The following WDPCP variants were observed in gnomAD, a reference collection of about 807,000 sequenced individuals.
The protein encoded by WDPCP is WD repeat containing planar cell polarity effector.
A neutral mutation model predicts 93.1 loss-of-function variants in WDPCP; 71 were observed. The observed-to-expected ratio is 0.76, with a 90% CI of 0.63 to 0.93. WDPCP has a LOEUF of 0.93. WDPCP is among the 40% of genes least tolerant of loss of function. The pLI is 0.00. For synonymous variants in WDPCP, 315 were observed against 315.0 expected (o/e 1.00, Z 0.00); for missense variants, 844 against 887.4 (o/e 0.95, Z 0.62).
intron 2 of WDPCP, among the ~76,000 whole-genome samples, chr2:63,692,800 C>G (rs2103675373): frequency 6.6e-6 from 1 of 152,224 alleles, no homozygotes; most frequent in South Asian, 2.1e-4. Flanking sequence ...CCTTGACATT[C>G]TTATGTATTA....
chr2:63,804,550 C>T (rs1249486680), intron 2 of WDPCP, among the ~76,000 whole-genome samples: 4 of 151,550 alleles, frequency 2.6e-5, no homozygotes, highest in East Asian at 2.0e-4. Flanking sequence ...TCACCTCGCC[C>T]GACCCAAGCC....
chr2:63,613,073 T>A (rs1271371328), intron 3 of WDPCP, among the ~76,000 whole-genome samples: 1 of 152,166 alleles, frequency 6.6e-6, no homozygotes, highest in East Asian at 1.9e-4. Flanking sequence ...ACTTGGACAG[T>A]TAGTCACGTG....
intron 2 of WDPCP, among the ~76,000 whole-genome samples, chr2:63,659,822 G>A (rs1325393402): frequency 6.6e-6 from 1 of 152,128 alleles, no homozygotes; most frequent in Non-Finnish European, 1.5e-5. Flanking sequence ...CTTAGCCCCT[G>A]GTCTGTGGCA....
intron 2 of WDPCP, among the ~76,000 whole-genome samples, chr2:63,733,344 T>C (rs7566718): frequency 0.18 from 27,629 of 149,418 alleles, 3,070 homozygotes; most frequent in Middle Eastern, 0.27. Context: ...GGACTACAGG[T>C]GCCCGCCACC....
At chr2:63,529,779 C>A (rs1703672135) in intron 1 of WDPCP, among the ~76,000 whole-genome samples, 1 of 152,156 alleles carries the variant, frequency 6.6e-6, no homozygotes, top group Non-Finnish European at 1.5e-5. Flanking sequence ...ATGGTACCAG[C>A]TCCTCCTTGT....
intron 14 of WDPCP, among the ~76,000 whole-genome samples, chr2:63,187,884 T>C (rs1674756978): frequency 6.6e-6 from 1 of 152,258 alleles, no homozygotes; most frequent in South Asian, 2.1e-4. Context: ...GTATTTATTG[T>C]CTAGTAACAT....
At chr2:63,730,473 G>GT (rs988943755) in intron 2 of WDPCP, among the ~76,000 whole-genome samples, 7 of 151,848 alleles carry the variant, frequency 4.6e-5, no homozygotes, top group African/African-American at 7.2e-5. Context: ...TTCTTCTTTT[G>GT]TTTTTTTTGA....
At chr2:63,244,713 A>G (rs1680133160) in intron 14 of WDPCP, among the ~76,000 whole-genome samples, 1 of 152,170 alleles carries the variant, frequency 6.6e-6, no homozygotes, top group South Asian at 2.1e-4. Context: ...CCGAAATCAA[A>G]TAAGTAATTT....
chr2:63,763,815 C>A (rs1278779862), intron 2 of WDPCP, among the ~76,000 whole-genome samples: 1 of 152,020 alleles, frequency 6.6e-6, no homozygotes, highest in African/African-American at 2.4e-5. Context: ...AAAATAGAAT[C>A]TTTAAGTGGT....
chr2:63,215,626 G>T (rs944043523), intron 14 of WDPCP, among the ~76,000 whole-genome samples: 5 of 152,056 alleles, frequency 3.3e-5, no homozygotes, highest in African/African-American at 9.7e-5. Context: ...AACCTAGGCA[G>T]TACCATTCAG....
At chr2:63,646,853 T>A (rs1033557576) in intron 3 of WDPCP, among the ~76,000 whole-genome samples, 1 of 152,164 alleles carries the variant, frequency 6.6e-6, no homozygotes, top group African/African-American at 2.4e-5. Flanking sequence ...TCTTGATCTT[T>A]GGGAGTTTGA....
At chr2:63,589,733 T>C (rs1303581453), upstream of WDPCP, among the ~76,000 whole-genome samples, 2 of 152,302 alleles carry the variant, frequency 1.3e-5, no homozygotes, top group South Asian at 4.1e-4. Context: ...CATTTTGTCA[T>C]GGAAGACCTG....
At chr2:63,700,005 G>T (rs749012621) in intron 2 of WDPCP, among the ~76,000 whole-genome samples, 37 of 152,072 alleles carry the variant, frequency 2.4e-4, no homozygotes, top group Non-Finnish European at 4.9e-4. Context: ...TATGCTTTGG[G>T]CTGGGCCTGG....
intron 9 of WDPCP, among the ~76,000 whole-genome samples, chr2:63,413,713 G>T (rs1322077813): frequency 6.6e-6 from 1 of 152,172 alleles, no homozygotes; most frequent in Non-Finnish European, 1.5e-5. Context: ...CAGGAGAATG[G>T]TGTGAACCTG....
intron 2 of WDPCP, among the ~76,000 whole-genome samples, chr2:63,731,140 G>A (rs1175170784): frequency 6.6e-6 from 1 of 151,922 alleles, no homozygotes; most frequent in Non-Finnish European, 1.5e-5. Flanking sequence ...GTGGTGTCAC[G>A]TGCCTGTAGT....
In WDPCP at chr2:63,707,569, C is replaced by T. The variant is rs985006286; in HGVS notation, n.309-56731G>A. Among the ~76,000 whole-genome samples the T allele has an allele frequency of 3.2e-4, 49 of 152,274 alleles. 1 individual carries two copies. Among genetic ancestry groups the T allele is most frequent in the African/African-American group, 9.9e-4 (41 of 41,554 alleles). ...GTTTTTAACTTCTTTGCCATTGGTT[C>T]GAACTTCCTCCTTTAGCTCAGAATA... On this transcript the variant is annotated intron_variant and non_coding_transcript_variant, in intron 2 of 4. Transcript: ENST00000467687.
rs796651472 is a variant in WDPCP at position 63,740,245 on chromosome 2, T to G, written n.308+73377A>C. Among the ~76,000 whole-genome samples the G allele has an allele frequency of 2.6e-5, 4 of 152,270 alleles. 1 individual carries two copies. The highest frequency in any genetic ancestry group is 9.6e-5 in the African/African-American group (4 of 41,570). ...GTCAGAGGATATATGTATATTCAGCTGTAGGAGATTCTGCCCAAAAGTTTT... is the reference window on the plus strand; with the variant it reads ...GTCAGAGGATATATGTATATTCAGCGGTAGGAGATTCTGCCCAAAAGTTTT... On this transcript the variant is annotated intron_variant and non_coding_transcript_variant, in intron 2 of 4. Transcript: ENST00000467687.
intron 13 of WDPCP, among the ~76,000 whole-genome samples, chr2:63,267,308 T>C (rs1465663687): frequency 2.0e-5 from 3 of 152,126 alleles, no homozygotes; most frequent in Non-Finnish European, 4.4e-5. Context: ...AATAATAAAA[T>C]TGGACCCTTA....
intron 2 of WDPCP, among the ~76,000 whole-genome samples, chr2:63,704,782 G>A (rs939975536): frequency 2.6e-5 from 4 of 152,224 alleles, no homozygotes; most frequent in African/African-American, 7.2e-5. Context: ...GTTTCTGCCC[G>A]GCTTTGGTAT....
Sources: gnomAD v4.1 joint callset for allele counts (sites outside exome capture counted in the v4.1 genomes callset) on GRCh38, gnomAD v4.1.1 for gene constraint, MANE v1.5 for transcripts, NCBI Gene and HGNC (gene_info 2026-07-23, HGNC 2026-07-21) for gene names.